Variants in PAX3 observed in about 807,000 individuals in gnomAD.
PAX3 encodes paired box 3.
PAX3 carries 14 observed loss-of-function variants against 51.6 expected under a neutral mutation model. That is an observed-to-expected ratio of 0.27 (90% CI 0.18 to 0.42). The LOEUF (loss-of-function observed/expected upper bound fraction) is 0.42. PAX3 is among the 10% of genes least tolerant of loss of function. PAX3 has a pLI of 1.00. For missense variants in PAX3, 540 were observed against 642.8 expected, an observed-to-expected ratio of 0.84 and a Z score of 1.73; for synonymous variants, 280 against 253.4, an observed-to-expected ratio of 1.11 and a Z score of -1.00.
At chr2:222,251,701 G>A (rs559321580) in intron 4 of PAX3, among the ~76,000 whole-genome samples, 16 of 152,286 alleles carry the variant, frequency 1.1e-4, no homozygotes, top group African/African-American at 3.6e-4. Context: ...TTCCACAATG[G>A]TTGAACTAGT....
chr2:222,248,281 C>T (rs1287811913), intron 4 of PAX3, among the ~76,000 whole-genome samples: 1 of 152,114 alleles, frequency 6.6e-6, no homozygotes, highest in Non-Finnish European at 1.5e-5. Context: ...TGGAACAAAA[C>T]GACTTCCCAG....
intron 8 of PAX3, 82 bp downstream of exon 8, chr2:222,201,861 GC>G: frequency 6.2e-7 from 1 of 1,611,704 alleles, no homozygotes; most frequent in South Asian, 1.1e-5. Flanking sequence ...GCTTAATCTT[GC>G]CTCTAATTCA....
intron 4 of PAX3, among the ~76,000 whole-genome samples, chr2:222,266,159 C>T (rs2106152463): frequency 6.6e-6 from 1 of 152,312 alleles, no homozygotes; most frequent in South Asian, 2.1e-4. Flanking sequence ...TACACGGAAA[C>T]ATATCCTGAT....
At chr2:222,225,928 C>T (rs574212991) in intron 5 of PAX3, among the ~76,000 whole-genome samples, 51 of 152,296 alleles carry the variant, frequency 3.3e-4, no homozygotes, top group African/African-American at 1.2e-3. Flanking sequence ...CCAGAAAACA[C>T]CTCAAATAAT....
chr2:222,244,227 G>T (rs1693129423), intron 4 of PAX3, among the ~76,000 whole-genome samples: 1 of 152,150 alleles, frequency 6.6e-6, no homozygotes, highest in South Asian at 2.1e-4. Context: ...AGCAACAGTT[G>T]CCATTGAACT....
At chr2:222,205,537 A>G (rs911829952) in intron 7 of PAX3, among the ~76,000 whole-genome samples, 25 of 152,198 alleles carry the variant, frequency 1.6e-4, no homozygotes, top group Non-Finnish European at 3.5e-4. Flanking sequence ...GTCACATATT[A>G]TAATCGTAAT....
rs183139451 is a variant in PAX3, at chr2:222,293,690, G to T, written c.586+477C>A. ...AATGTGGGGGCAATTTTGGAGGGCC[G>T]TTGCCCAAAAGAGTACTCTCTCTCT... On this transcript the variant is annotated intron_variant, in intron 4 of 8. Transcript: ENST00000392070. 9.3e-6 allele frequency: 15 copies of T among 1,614,136 alleles called. No homozygotes were observed. In the South Asian group the frequency reaches 1.6e-4, roughly 18 times the overall value.
At chr2:222,231,203 A>G (rs1692580711) in intron 5 of PAX3, among the ~76,000 whole-genome samples, 1 of 152,216 alleles carries the variant, frequency 6.6e-6, no homozygotes, top group Non-Finnish European at 1.5e-5. Flanking sequence ...TGACTAGTCC[A>G]CTGCTGAGTC....
At position 222,294,408 on chromosome 2, in the gene PAX3, C is replaced by A. The variant is rs1695177650; in HGVS notation, c.452-107G>T. 22 of 1,238,716 alleles carry A rather than the reference C, an allele frequency of 1.8e-5. No individual in the cohort carries two copies. The South Asian group carries it at 2.5e-4, about 14-fold the overall frequency. 76.7% of individuals were successfully genotyped at this position (1,238,716 alleles called of 1,614,324 possible). ...CAAACACCAGCCAGGGCCCTAGAGC[C>A]GCTGCCCTGCACTGCTCGCGGGTGT... On this transcript the variant is annotated intron_variant, in intron 3 of 8. Coordinates refer to ENST00000392070, the MANE Select transcript of PAX3 (RefSeq NM_181458.4).
intron 4 of PAX3, among the ~76,000 whole-genome samples, chr2:222,251,299 C>T (rs1164371160): frequency 6.6e-6 from 1 of 152,132 alleles, no homozygotes; most frequent in Admixed American, 6.5e-5. Context: ...GTTCCCCTTC[C>T]TGTGTCCATG....
intron 4 of PAX3, among the ~76,000 whole-genome samples, chr2:222,252,537 A>G (rs1449766181): frequency 6.6e-6 from 1 of 152,194 alleles, no homozygotes; most frequent in East Asian, 1.9e-4. Flanking sequence ...TCATCCCCAC[A>G]TTCCGTTACC....
At chr2:222,210,632 C>T (rs1444665110) in intron 7 of PAX3, among the ~76,000 whole-genome samples, 1 of 152,070 alleles carries the variant, frequency 6.6e-6, no homozygotes, top group Non-Finnish European at 1.5e-5. Flanking sequence ...ACCTGAATTT[C>T]TCAAATAAAT....
intron 4 of PAX3, among the ~76,000 whole-genome samples, chr2:222,252,033 G>C (rs1428258149): frequency 6.6e-6 from 1 of 152,154 alleles, no homozygotes; most frequent in East Asian, 1.9e-4. Flanking sequence ...TCCATTGCCT[G>C]TTTTTACCTC....
chr2:222,243,450 T>C (rs1387466277), intron 4 of PAX3, among the ~76,000 whole-genome samples: 1 of 152,194 alleles, frequency 6.6e-6, no homozygotes, highest in Non-Finnish European at 1.5e-5. Flanking sequence ...ATGAATAATA[T>C]ATGGAGCCTA....
At chr2:222,267,494 T>G (rs1337445842) in intron 4 of PAX3, among the ~76,000 whole-genome samples, 1 of 152,236 alleles carries the variant, frequency 6.6e-6, no homozygotes, top group African/African-American at 2.4e-5. Context: ...AAAAATCTAT[T>G]CTTTCTGTAA....
At chr2:222,291,513 G>A (rs986700436) in intron 4 of PAX3, among the ~76,000 whole-genome samples, 5 of 152,196 alleles carry the variant, frequency 3.3e-5, no homozygotes, top group Non-Finnish European at 5.9e-5. Context: ...AGCCACTGGA[G>A]AGAAGAATGA....
At chr2:222,268,999 A>G (rs1194063741) in intron 4 of PAX3, among the ~76,000 whole-genome samples, 1 of 152,172 alleles carries the variant, frequency 6.6e-6, no homozygotes, top group East Asian at 1.9e-4. Flanking sequence ...GTAGGCAGAA[A>G]GAAATACAAT....
At chr2:222,232,557 A>G (rs1024086135) in intron 4 of PAX3, among the ~76,000 whole-genome samples, 1 of 152,078 alleles carries the variant, frequency 6.6e-6, no homozygotes, top group Non-Finnish European at 1.5e-5. Context: ...CTCCTACTCT[A>G]TCTTTCTGCC....
intron 7 of PAX3, among the ~76,000 whole-genome samples, chr2:222,213,425 C>T (rs912989065): frequency 9.2e-5 from 14 of 152,302 alleles, no homozygotes; most frequent in African/African-American, 3.1e-4. Flanking sequence ...AGAATGGAAA[C>T]CTCCAAATGG....
Sources: gnomAD v4.1 joint callset for allele counts (sites outside exome capture counted in the v4.1 genomes callset) on GRCh38, gnomAD v4.1.1 for gene constraint, MANE v1.5 for transcripts, NCBI Gene and HGNC (gene_info 2026-07-23, HGNC 2026-07-21) for gene names.